The following C1orf21 variants were observed in gnomAD, a reference collection of about 807,000 sequenced individuals.
C1orf21 encodes the protein chromosome 1 open reading frame 21.
C1orf21 carries 3 observed loss-of-function variants against 18.7 expected under a neutral mutation model. The observed-to-expected ratio is 0.16, with a 90% CI of 0.07 to 0.42. The LOEUF (loss-of-function observed/expected upper bound fraction) is 0.42. C1orf21 is among the 10% of genes least tolerant of loss of function. The pLI is 0.99. For synonymous variants in C1orf21, 41 were observed against 46.4 expected (o/e 0.88, Z 0.47); for missense variants, 104 against 143.6 (o/e 0.72, Z 1.41).
intron 3 of C1orf21, among the ~76,000 whole-genome samples, chr1:184,580,515 A>G (rs532857118): frequency 6.6e-6 from 1 of 152,362 alleles, no homozygotes; most frequent in South Asian, 2.1e-4. Context: ...CATGAACAAG[A>G]TTGATTTTTC....
intron 3 of C1orf21, 47 bp downstream of exon 3, chr1:184,507,729 T>A (rs1164752455): frequency 2.0e-6 from 3 of 1,474,542 alleles, no homozygotes; most frequent in Non-Finnish European, 1.8e-6. Flanking sequence ...GTGACACTAT[T>A]GTAATAAAAT....
intron 1 of C1orf21, among the ~76,000 whole-genome samples, chr1:184,454,576 T>C (rs1452020897): frequency 6.6e-6 from 1 of 152,152 alleles, no homozygotes; most frequent in Non-Finnish European, 1.5e-5. Flanking sequence ...GGGGTGGATT[T>C]CCATGAATGT....
chr1:184,428,571 A>T (rs1656681910), intron 1 of C1orf21, among the ~76,000 whole-genome samples: 1 of 152,230 alleles, frequency 6.6e-6, no homozygotes, highest in Non-Finnish European at 1.5e-5. Flanking sequence ...TATGACTTAT[A>T]CTTAATGATA....
chr1:184,494,789 A>G (rs919711486), intron 2 of C1orf21, among the ~76,000 whole-genome samples: 2 of 151,682 alleles, frequency 1.3e-5, no homozygotes, highest in African/African-American at 4.8e-5. Context: ...GATTTTTAAG[A>G]TGGGGCTGTA....
chr1:184,507,814 TG>T, intron 3 of C1orf21, 132 bp downstream of exon 3: 2 of 705,866 alleles, frequency 2.8e-6, no homozygotes, highest in Non-Finnish European at 4.5e-6. Context: ...ATTTATAGCT[TG>T]CCTGGAAGCT....
chr1:184,410,178 G>T (rs989773205), intron 1 of C1orf21, among the ~76,000 whole-genome samples: 6 of 152,122 alleles, frequency 3.9e-5, no homozygotes, highest in African/African-American at 1.4e-4. Context: ...GTGCATCTAG[G>T]AATAATAGCT....
chr1:184,584,516 C>T (rs1659327105), intron 3 of C1orf21, among the ~76,000 whole-genome samples: 3 of 152,112 alleles, frequency 2.0e-5, no homozygotes, highest in Admixed American at 1.3e-4. Context: ...TTTGGAAGGT[C>T]TTAAATAATG....
At chr1:184,566,823 A>G (rs761426277) in intron 3 of C1orf21, 1 of 469,024 alleles carries the variant, frequency 2.1e-6, no homozygotes, top group Admixed American at 2.4e-5. Flanking sequence ...GAAATTTTAC[A>G]AAGACTAGAG....
intron 5 of C1orf21, among the ~76,000 whole-genome samples, chr1:184,612,756 T>G (rs1303959903): frequency 6.6e-6 from 1 of 152,180 alleles, no homozygotes; most frequent in East Asian, 1.9e-4. Context: ...TATGTGGGTA[T>G]TAGTAGTCCC....
chr1:184,435,374 C>A (rs1017072621), intron 1 of C1orf21, among the ~76,000 whole-genome samples: 6 of 152,162 alleles, frequency 3.9e-5, no homozygotes, highest in Non-Finnish European at 7.3e-5. Context: ...GATGGATTCT[C>A]ACTCTGTCGC....
chr1:184,437,436 CTG>C (rs112444246), intron 1 of C1orf21, among the ~76,000 whole-genome samples: 12,203 of 152,124 alleles, frequency 0.08, 770 homozygotes, highest in African/African-American at 0.17. Flanking sequence ...ATCTTGCTCT[CTG>C]TGTTTGGCTC....
chr1:184,546,679 T>C (rs745596531), intron 3 of C1orf21, among the ~76,000 whole-genome samples: 23 of 152,206 alleles, frequency 1.5e-4, no homozygotes, highest in Non-Finnish European at 2.9e-4. Flanking sequence ...GTCAATGATA[T>C]GATATGCATG....
At chr1:184,406,235 A>G (rs913712313) in intron 1 of C1orf21, among the ~76,000 whole-genome samples, 1 of 152,196 alleles carries the variant, frequency 6.6e-6, no homozygotes, top group Non-Finnish European at 1.5e-5. Flanking sequence ...GAGTAAAATG[A>G]GTATATCTAG....
chr1:184,526,839 A>G (rs1216930805), intron 3 of C1orf21, among the ~76,000 whole-genome samples: 1 of 152,158 alleles, frequency 6.6e-6, no homozygotes, highest in East Asian at 1.9e-4. Flanking sequence ...ACAAGTATTT[A>G]TTAATCACCA....
At chr1:184,503,284 T>C (rs1291822585) in intron 2 of C1orf21, among the ~76,000 whole-genome samples, 2 of 152,100 alleles carry the variant, frequency 1.3e-5, no homozygotes, top group African/African-American at 4.8e-5. Flanking sequence ...AATCACTTTC[T>C]ACTAGTGAGG....
At chr1:184,577,009 G>A (rs1659200262) in intron 3 of C1orf21, among the ~76,000 whole-genome samples, 1 of 152,090 alleles carries the variant, frequency 6.6e-6, no homozygotes, top group Non-Finnish European at 1.5e-5. Context: ...CATTTTGCAT[G>A]TGGGGTGGGT....
intron 3 of C1orf21, among the ~76,000 whole-genome samples, chr1:184,518,333 A>G (rs1241232898): frequency 2.0e-5 from 3 of 152,358 alleles, no homozygotes; most frequent in Non-Finnish European, 4.4e-5. Context: ...CAAAAAGCCC[A>G]ACAAATTATA....
At chr1:184,401,341 C>T (rs1267823784) in intron 1 of C1orf21, among the ~76,000 whole-genome samples, 1 of 152,190 alleles carries the variant, frequency 6.6e-6, no homozygotes, top group East Asian at 1.9e-4. Flanking sequence ...CTGTCTCAGC[C>T]TCCCCAGTAG....
intron 1 of C1orf21, among the ~76,000 whole-genome samples, chr1:184,407,784 G>C (rs1415793468): frequency 6.6e-6 from 1 of 152,174 alleles, no homozygotes; most frequent in Admixed American, 6.5e-5. Flanking sequence ...TTGGATGCCA[G>C]ATGAACAATA....
Sources: gnomAD v4.1 joint callset for allele counts (sites outside exome capture counted in the v4.1 genomes callset) on GRCh38, gnomAD v4.1.1 for gene constraint, MANE v1.5 for transcripts, NCBI Gene and HGNC (gene_info 2026-07-23, HGNC 2026-07-21) for gene names.